The following MBNL2 variants were observed in gnomAD, a reference collection of about 807,000 sequenced individuals.
The protein encoded by MBNL2 is muscleblind like splicing regulator 2.
MBNL2 carries 17 observed loss-of-function variants against 41.9 expected under a neutral mutation model. The ratio of observed to expected loss-of-function variants is 0.41; its 90% CI spans 0.28 to 0.61. The LOEUF (loss-of-function observed/expected upper bound fraction) is 0.61. MBNL2 is among the 20% of genes least tolerant of loss of function. The pLI is 0.35. For synonymous variants in MBNL2, 195 were observed against 182.9 expected (o/e 1.07, Z -0.53); for missense variants, 336 against 505.6 (o/e 0.66, Z 3.22).
At chr13:97,211,803 A>T in the MBNL2 span, among the ~76,000 whole-genome samples, 3 of 152,238 alleles carry the variant, frequency 2.0e-5, no homozygotes, top group Non-Finnish European at 4.4e-5. Context: ...AAAGATTAAA[A>T]TTTCATTATA....
chr13:97,299,549 C>G (rs150464075), intron 2 of MBNL2, among the ~76,000 whole-genome samples: 199 of 152,226 alleles, frequency 1.3e-3, no homozygotes, highest in Non-Finnish European at 2.5e-3. Context: ...GAGGCATGTA[C>G]ATGGATGTTC....
chr13:97,305,194 G>A (rs891493218), intron 2 of MBNL2, among the ~76,000 whole-genome samples: 3 of 152,218 alleles, frequency 2.0e-5, no homozygotes, highest in Non-Finnish European at 4.4e-5. Flanking sequence ...AAATTCTTAG[G>A]TTTAGTTGAA....
chr13:97,213,226 T>A, the MBNL2 span, among the ~76,000 whole-genome samples: 47 of 152,026 alleles, frequency 3.1e-4, no homozygotes, highest in Admixed American at 5.2e-4. Flanking sequence ...ATCTAGAAGC[T>A]ATGGTTGTTG....
At chr13:97,229,214 A>G (rs1011936905) in intron 1 of MBNL2, among the ~76,000 whole-genome samples, 1 of 150,972 alleles carries the variant, frequency 6.6e-6, no homozygotes, top group Admixed American at 6.6e-5. Context: ...TTTACTACAT[A>G]TAATTTTCAG....
intron 7 of MBNL2, among the ~76,000 whole-genome samples, chr13:97,361,442 G>A (rs965398879): frequency 1.6e-4 from 25 of 152,154 alleles, no homozygotes; most frequent in Non-Finnish European, 2.5e-4. Context: ...GGCAGAGATG[G>A]GGCTTGCTAA....
chr13:97,293,307 C>T (rs2056480038), intron 2 of MBNL2, among the ~76,000 whole-genome samples: 1 of 152,164 alleles, frequency 6.6e-6, no homozygotes, highest in South Asian at 2.1e-4. Flanking sequence ...TATGCAACCA[C>T]TTCTAAAATA....
chr13:97,247,599 A>T (rs2045719636), intron 1 of MBNL2, among the ~76,000 whole-genome samples: 1 of 152,202 alleles, frequency 6.6e-6, no homozygotes, highest in South Asian at 2.1e-4. Context: ...TCCAATGTAA[A>T]ATGTCATGGT....
intron 1 of MBNL2, among the ~76,000 whole-genome samples, chr13:97,227,222 T>G (rs1015364865): frequency 3.3e-5 from 5 of 152,078 alleles, no homozygotes; most frequent in Non-Finnish European, 7.4e-5. Context: ...AGGCTGAGGA[T>G]GTAGCCATGT....
chr13:97,250,940 C>A (rs1490441007), intron 1 of MBNL2, among the ~76,000 whole-genome samples: 1 of 152,030 alleles, frequency 6.6e-6, no homozygotes, highest in Non-Finnish European at 1.5e-5. Context: ...TTCTCTCCAG[C>A]CAACTTTTTC....
the MBNL2 span, among the ~76,000 whole-genome samples, chr13:97,186,095 C>T: frequency 6.6e-6 from 1 of 152,198 alleles, no homozygotes; most frequent in African/African-American, 2.4e-5. Flanking sequence ...AATGTTTGGC[C>T]TTAATACCTG....
intron 2 of MBNL2, among the ~76,000 whole-genome samples, chr13:97,304,955 TA>T (rs1434082991): frequency 6.6e-6 from 1 of 152,242 alleles, no homozygotes; most frequent in Non-Finnish European, 1.5e-5. Context: ...ATCTGATTTT[TA>T]TATTGACCTT....
chr13:97,158,926 G>C, the MBNL2 span, among the ~76,000 whole-genome samples: 5,964 of 150,992 alleles, frequency 0.039, 388 homozygotes, highest in African/African-American at 0.14. Context: ...TTGGTGCAGA[G>C]CTGAGTTCAA....
At position 97,383,983 on chromosome 13, in the gene MBNL2, T is replaced by TC. The variant is rs1197791004; in HGVS notation, c.1049-7337dup. Among the ~76,000 whole-genome samples the TC allele has an allele frequency of 4.6e-5, 7 of 151,672 alleles. No homozygotes were observed. The East Asian group carries it at 1.4e-3, about 29-fold the overall frequency. ...GGCGCAATCTTGGCTCACTGCAACC[T>TC]CCACCTCCCAGGTTCAAGTGATTCT... On this transcript the variant is annotated intron_variant, in intron 8 of 8. Transcript: ENST00000679496.
intron 1 of MBNL2, among the ~76,000 whole-genome samples, chr13:97,233,595 C>T (rs1260203812): frequency 6.6e-6 from 1 of 151,798 alleles, no homozygotes; most frequent in Non-Finnish European, 1.5e-5. Context: ...TTTGAAGCCT[C>T]AAGTATCAGC....
intron 1 of MBNL2, among the ~76,000 whole-genome samples, chr13:97,252,838 T>C (rs1287046656): frequency 1.3e-5 from 2 of 152,212 alleles, no homozygotes; most frequent in Non-Finnish European, 2.9e-5. Flanking sequence ...CATTTTCTCC[T>C]CTTTTCCAGT....
At chr13:97,249,351 TA>T (rs2046089261) in intron 1 of MBNL2, among the ~76,000 whole-genome samples, 1 of 152,244 alleles carries the variant, frequency 6.6e-6, no homozygotes, top group African/African-American at 2.4e-5. Context: ...TTCGCAAGCA[TA>T]AAAGCCCAGG....
intron 2 of MBNL2, among the ~76,000 whole-genome samples, chr13:97,290,365 A>C (rs971253557): frequency 6.6e-6 from 1 of 150,662 alleles, no homozygotes; most frequent in Non-Finnish European, 1.5e-5. Flanking sequence ...GGGAAGTGAC[A>C]AAAAAAAATC....
chr13:97,244,908 A>T (rs1162656820), intron 1 of MBNL2, among the ~76,000 whole-genome samples: 3 of 152,218 alleles, frequency 2.0e-5, no homozygotes, highest in Non-Finnish European at 4.4e-5. Context: ...GACTATTCAT[A>T]AAGATGTACA....
At chr13:97,315,867 C>T (rs1566411874) in intron 2 of MBNL2, among the ~76,000 whole-genome samples, 1 of 151,680 alleles carries the variant, frequency 6.6e-6, no homozygotes. Flanking sequence ...TGTGGAAGGC[C>T]TTGCTCGTGG....
Sources: gnomAD v4.1 joint callset for allele counts (sites outside exome capture counted in the v4.1 genomes callset) on GRCh38, gnomAD v4.1.1 for gene constraint, MANE v1.5 for transcripts, NCBI Gene and HGNC (gene_info 2026-07-23, HGNC 2026-07-21) for gene names.